Variants in GRIK2 observed in about 807,000 individuals in gnomAD.
GRIK2 encodes the protein glutamate receptor ionotropic, kainate 2.
In GRIK2, 32 loss-of-function variants were observed where a neutral mutation model predicts 100.3. That is an observed-to-expected ratio of 0.32 (90% CI 0.24 to 0.43). The LOEUF is 0.43. Among genes scored for constraint, GRIK2 ranks in the 20% least tolerant of loss-of-function variants. GRIK2 has a pLI of 1.00. For synonymous variants in GRIK2, 417 were observed against 389.4 expected (o/e 1.07, Z -0.83); for missense variants, 843 against 1,114.9 (o/e 0.76, Z 3.47).
chr6:101,998,697 A>T (rs1454310038), intron 14 of GRIK2, among the ~76,000 whole-genome samples: 3 of 151,926 alleles, frequency 2.0e-5, no homozygotes, highest in Non-Finnish European at 4.4e-5. Context: ...TCCTTAATGT[A>T]TAATGTTACA....
At chr6:101,723,333 T>C (rs1774623582) in intron 7 of GRIK2, among the ~76,000 whole-genome samples, 1 of 152,074 alleles carries the variant, frequency 6.6e-6, no homozygotes, top group Admixed American at 6.6e-5. Flanking sequence ...CATTCCATTA[T>C]AGACATTGTA....
rs528448740 is a variant in GRIK2 at position 101,447,895 on chromosome 6, G to A, written c.115+48503G>A. On this transcript the variant is annotated intron_variant, in intron 2 of 16. Transcript: ENST00000369134. ...TAGTTACCAGACCTTTTGTCATCCC[G>A]TCTCCTTCCCTGATTCTCTTGTCAT... 4.0e-5 allele frequency among the ~76,000 whole-genome samples: 6 copies of A among 151,662 alleles called. No homozygotes were observed. The East Asian group carries it at 5.8e-4, about 15-fold the overall frequency.
intron 10 of GRIK2, among the ~76,000 whole-genome samples, chr6:101,854,420 C>T (rs949047004): frequency 2.5e-4 from 38 of 152,096 alleles, no homozygotes; most frequent in Admixed American, 4.6e-4. Flanking sequence ...CCACCACACC[C>T]GGCTAAGTTT....
chr6:101,491,545 A>G (rs1253621162), intron 2 of GRIK2, among the ~76,000 whole-genome samples: 4 of 152,022 alleles, frequency 2.6e-5, no homozygotes. Context: ...ATGCCTGCAT[A>G]CTTACCACTT....
At chr6:101,914,216 G>A (rs987979365) in intron 12 of GRIK2, among the ~76,000 whole-genome samples, 1 of 151,500 alleles carries the variant, frequency 6.6e-6, no homozygotes, top group Middle Eastern at 3.4e-3. Flanking sequence ...AAAGATAGAT[G>A]ATTTTAAGAA....
At chr6:102,022,859 A>G (rs1015393318) in intron 14 of GRIK2, among the ~76,000 whole-genome samples, 1 of 151,618 alleles carries the variant, frequency 6.6e-6, no homozygotes, top group Non-Finnish European at 1.5e-5. Context: ...AATCTTTAGC[A>G]TAATAGAGAG....
intron 2 of GRIK2, among the ~76,000 whole-genome samples, chr6:101,505,071 T>G (rs1582599346): frequency 6.8e-6 from 1 of 147,514 alleles, no homozygotes; most frequent in Admixed American, 6.8e-5. Flanking sequence ...TTTTTTTTTT[T>G]GTCGTTTTTT....
chr6:102,014,729 T>C (rs1398026917), intron 14 of GRIK2, among the ~76,000 whole-genome samples: 1 of 152,208 alleles, frequency 6.6e-6, no homozygotes. Flanking sequence ...TTCATTTCCA[T>C]CTAATTGTAT....
chr6:102,013,750 T>A (rs62423080), intron 14 of GRIK2, among the ~76,000 whole-genome samples: 5,331 of 152,278 alleles, frequency 0.035, 155 homozygotes, highest in Non-Finnish European at 0.051. Context: ...TTGTGTATGC[T>A]GAACCAACCT....
intron 14 of GRIK2, among the ~76,000 whole-genome samples, chr6:101,969,430 G>T (rs1201743419): frequency 1.3e-5 from 2 of 151,612 alleles, no homozygotes; most frequent in African/African-American, 4.8e-5. Flanking sequence ...TTAATTTCAG[G>T]TTCATTTTTC....
chr6:101,526,741 G>A (rs910271058), intron 2 of GRIK2, among the ~76,000 whole-genome samples: 1 of 152,140 alleles, frequency 6.6e-6, no homozygotes, highest in African/African-American at 2.4e-5. Context: ...TCTCATCTCT[G>A]TACACAGGTT....
intron 15 of GRIK2, 36 bp from the exon 16 acceptor site, chr6:102,055,294 T>G (rs1771409765): frequency 6.6e-7 from 1 of 1,514,962 alleles, no homozygotes; most frequent in African/African-American, 1.4e-5. Flanking sequence ...AATTTCAGGT[T>G]CCTTGAAATA....
At chr6:101,469,431 G>T (rs1375561828) in intron 2 of GRIK2, among the ~76,000 whole-genome samples, 1 of 151,998 alleles carries the variant, frequency 6.6e-6, no homozygotes, top group Non-Finnish European at 1.5e-5. Context: ...TTAACCCACT[G>T]GGCCCGTTTA....
chr6:101,551,354 T>G (rs1186975569), intron 2 of GRIK2, among the ~76,000 whole-genome samples: 2 of 152,074 alleles, frequency 1.3e-5, no homozygotes, highest in African/African-American at 4.8e-5. Context: ...TCCTTCTAAG[T>G]TATATTTGAA....
At chr6:101,447,579 G>A (rs920374505) in intron 2 of GRIK2, among the ~76,000 whole-genome samples, 1 of 151,612 alleles carries the variant, frequency 6.6e-6, no homozygotes, top group Admixed American at 6.6e-5. Context: ...CTGATTTCTG[G>A]AAATATATAG....
intron 15 of GRIK2, among the ~76,000 whole-genome samples, chr6:102,047,768 A>T (rs934771547): frequency 1.4e-4 from 21 of 151,898 alleles, no homozygotes; most frequent in South Asian, 4.1e-4. Context: ...AGAAAAAAAA[A>T]ATATTTCTTC....
At chr6:102,029,579 T>G (rs1043273493) in intron 14 of GRIK2, among the ~76,000 whole-genome samples, 21 of 151,270 alleles carry the variant, frequency 1.4e-4, no homozygotes, top group African/African-American at 4.4e-4. Context: ...ACTTTTTGCT[T>G]TATTAAAAAT....
intron 7 of GRIK2, among the ~76,000 whole-genome samples, chr6:101,697,696 C>A (rs752185829): frequency 6.6e-6 from 1 of 151,914 alleles, no homozygotes. Context: ...CATCTGAGAG[C>A]AAGAGTTTTG....
chr6:101,920,272 A>C (rs1434720720), intron 12 of GRIK2, among the ~76,000 whole-genome samples: 1 of 151,922 alleles, frequency 6.6e-6, no homozygotes, highest in Admixed American at 6.6e-5. Context: ...TTTCTCTCTC[A>C]TCCCCAATCG....
Sources: gnomAD v4.1 joint callset for allele counts (sites outside exome capture counted in the v4.1 genomes callset) on GRCh38, gnomAD v4.1.1 for gene constraint, MANE v1.5 for transcripts, NCBI Gene and HGNC (gene_info 2026-07-23, HGNC 2026-07-21) for gene names.